DOK6: variants seen among roughly 807,000 people sequenced by gnomAD.
DOK6 encodes the protein docking protein 6.
Under a neutral mutation model 44.0 loss-of-function variants are expected in DOK6, and 22 were observed. The observed-to-expected ratio is 0.50, with a 90% CI of 0.36 to 0.71. The LOEUF is 0.71. Ranked by LOEUF, DOK6 falls within the 30% of genes least tolerant of loss-of-function variation. The pLI, the probability that DOK6 is intolerant of heterozygous loss-of-function variation, is 0.00. For synonymous variants in DOK6, 166 were observed against 145.5 expected, an observed-to-expected ratio of 1.14 and a Z score of -1.01; for missense variants, 340 against 416.4, an observed-to-expected ratio of 0.82 and a Z score of 1.60.
intron 1 of DOK6, among the ~76,000 whole-genome samples, chr18:69,418,679 C>T (rs375633994): frequency 6.6e-6 from 1 of 151,644 alleles, no homozygotes; most frequent in South Asian, 2.1e-4. Context: ...GCTGTGTTGC[C>T]AATGTTGGTC....
intron 3 of DOK6, among the ~76,000 whole-genome samples, chr18:69,613,712 T>C (rs75654082): frequency 0.04 from 6,090 of 152,042 alleles, 242 homozygotes; most frequent in East Asian, 0.25. Context: ...TAAAAACTTA[T>C]CTTCAAATGA....
chr18:69,523,861 G>A (rs1228833831), intron 1 of DOK6, among the ~76,000 whole-genome samples: 1 of 151,936 alleles, frequency 6.6e-6, no homozygotes, highest in Non-Finnish European at 1.5e-5. Flanking sequence ...CGATTTGAAC[G>A]ACAGAGAATG....
intron 5 of DOK6, among the ~76,000 whole-genome samples, chr18:69,733,123 G>A (rs977605772): frequency 6.6e-6 from 1 of 151,902 alleles, no homozygotes; most frequent in African/African-American, 2.4e-5. Flanking sequence ...GAGCGCAGGA[G>A]TTCAAGGCTG....
chr18:69,598,950 C>CAGA, intron 2 of DOK6, among the ~76,000 whole-genome samples: 1 of 152,142 alleles, frequency 6.6e-6, no homozygotes, highest in East Asian at 1.9e-4. Flanking sequence ...ACTTTTCTGA[C>CAGA]AGATATGTGT....
chr18:69,639,466 G>A (rs1327169717), intron 3 of DOK6, among the ~76,000 whole-genome samples: 2 of 152,172 alleles, frequency 1.3e-5, no homozygotes, highest in Non-Finnish European at 2.9e-5. Flanking sequence ...GTCCTCACCT[G>A]CCTTCTCTAT....
chr18:69,697,826 G>A (rs1986422591), intron 4 of DOK6, among the ~76,000 whole-genome samples: 1 of 152,170 alleles, frequency 6.6e-6, no homozygotes, highest in South Asian at 2.1e-4. Context: ...CTTAAGTTCT[G>A]CGGAAGGCTG....
chr18:69,416,462 C>T (rs978253659), intron 1 of DOK6, among the ~76,000 whole-genome samples: 1 of 152,012 alleles, frequency 6.6e-6, no homozygotes, highest in Non-Finnish European at 1.5e-5. Flanking sequence ...ATAAAAATGT[C>T]TTTTCTTTTG....
At chr18:69,521,455 A>AC (rs1981685398) in intron 1 of DOK6, among the ~76,000 whole-genome samples, 1 of 150,886 alleles carries the variant, frequency 6.6e-6, no homozygotes, top group South Asian at 2.1e-4. Context: ...TTAAAAAAAA[A>AC]AAACATGTGA....
At chr18:69,585,296 A>C (rs1296182898) in intron 2 of DOK6, among the ~76,000 whole-genome samples, 2 of 151,734 alleles carry the variant, frequency 1.3e-5, no homozygotes, top group South Asian at 2.1e-4. Context: ...TATATGTAGA[A>C]TATTTAATTA....
intron 1 of DOK6, among the ~76,000 whole-genome samples, chr18:69,495,427 C>G (rs1320813627): frequency 6.6e-6 from 1 of 152,196 alleles, no homozygotes; most frequent in African/African-American, 2.4e-5. Context: ...TGAAGAGGAG[C>G]TTTACTGAGT....
In DOK6 at chr18:69,405,858, C is replaced by G. The variant is rs142585220; in HGVS notation, c.66+4548C>G. On this transcript the variant is annotated intron_variant, in intron 1 of 7. Transcript: ENST00000382713. ...TTCTAAAGGAATTTCAGGATCATTA[C>G]TTTGTATATGAATTTCCAATATATG... 2.0e-5 allele frequency among the ~76,000 whole-genome samples: 3 copies of G among 152,258 alleles called. No individual in the cohort carries two copies. In the East Asian group the frequency reaches 5.8e-4, roughly 29 times the overall value.
At chr18:69,582,980 G>T (rs1983405388) in intron 2 of DOK6, among the ~76,000 whole-genome samples, 1 of 152,090 alleles carries the variant, frequency 6.6e-6, no homozygotes, top group Non-Finnish European at 1.5e-5. Context: ...AAACTAGATT[G>T]TTTGCAACTT....
Position 69,677,869 on chromosome 18 carries a change from C to T in DOK6, c.409+16C>T. 1 of 1,610,876 alleles carries T rather than the reference C, an allele frequency of 6.2e-7. No individual in the cohort carries two copies. On this transcript the variant is annotated intron_variant, in intron 4 of 7. Transcript: ENST00000382713. ...GAACAGAATGGTAGGTGTGAGATTGCCTTCCATCACTTCAGAATACCCTTG... is the reference window on the plus strand; with the variant it reads ...GAACAGAATGGTAGGTGTGAGATTGTCTTCCATCACTTCAGAATACCCTTG...
intron 3 of DOK6, among the ~76,000 whole-genome samples, chr18:69,649,975 C>T (rs1336923014): frequency 6.6e-6 from 1 of 152,038 alleles, no homozygotes; most frequent in Non-Finnish European, 1.5e-5. Flanking sequence ...ATGGGATCCC[C>T]TCCCTTCCTA....
intron 2 of DOK6, among the ~76,000 whole-genome samples, chr18:69,578,423 ATAAT>A (rs750558138): frequency 5.9e-5 from 9 of 152,206 alleles, no homozygotes; most frequent in Non-Finnish European, 1.2e-4. Context: ...AATTAAGAAA[ATAAT>A]TCATATCAAC....
In DOK6 at chr18:69,608,718, G is replaced by T. The variant is rs537142372; in HGVS notation, c.289+9220G>T. Among the ~76,000 whole-genome samples, 5 of 151,976 alleles carry T rather than the reference G, an allele frequency of 3.3e-5. No homozygotes were observed. The South Asian group carries it at 1.0e-3, about 32-fold the overall frequency. On this transcript the variant is annotated intron_variant, in intron 3 of 7. Transcript: ENST00000382713. ...TTAAAGCATAGAAATTTGGGAGGCC[G>T]AGGCGGGTGGATCATGAAGTCAGGA...
At chr18:69,668,835 A>C (rs1415317594) in intron 3 of DOK6, among the ~76,000 whole-genome samples, 2 of 152,246 alleles carry the variant, frequency 1.3e-5, no homozygotes, top group African/African-American at 4.8e-5. Flanking sequence ...AAAAAGGTTA[A>C]AACACAGCAT....
At chr18:69,556,675 T>C (rs1232881727) in intron 1 of DOK6, among the ~76,000 whole-genome samples, 1 of 152,192 alleles carries the variant, frequency 6.6e-6, no homozygotes, top group Non-Finnish European at 1.5e-5. Context: ...CAAGTACTTT[T>C]TGAATAAATG....
intron 5 of DOK6, 142 bp from the exon 6 acceptor site, chr18:69,738,823 T>G: frequency 1.0e-6 from 1 of 978,460 alleles, no homozygotes; most frequent in Non-Finnish European, 1.5e-6. Flanking sequence ...TTGGTTGGTT[T>G]GGTTACGGCT....
Sources: gnomAD v4.1 joint callset for allele counts (sites outside exome capture counted in the v4.1 genomes callset) on GRCh38, gnomAD v4.1.1 for gene constraint, MANE v1.5 for transcripts, NCBI Gene and HGNC (gene_info 2026-07-23, HGNC 2026-07-21) for gene names.